Variants in SSH2 observed in about 807,000 individuals in gnomAD.
SSH2 encodes the protein protein phosphatase Slingshot homolog 2.
In SSH2, 37 loss-of-function variants were observed where a neutral mutation model predicts 135.2. The ratio of observed to expected loss-of-function variants is 0.27; its 90% CI spans 0.21 to 0.36. The LOEUF (loss-of-function observed/expected upper bound fraction) is 0.36, where lower values mean the gene tolerates loss of function less well. Ranked by LOEUF, SSH2 falls within the 10% of genes least tolerant of loss-of-function variation. The pLI is 1.00. For missense variants in SSH2, 1,408 were observed against 1,765.3 expected (o/e 0.80, Z 3.63); for synonymous variants, 628 against 646.2 (o/e 0.97, Z 0.43).
intron 1 of SSH2, among the ~76,000 whole-genome samples, chr17:29,898,094 C>G (rs903327516): frequency 5.3e-5 from 8 of 151,996 alleles, no homozygotes; most frequent in African/African-American, 1.9e-4. Context: ...AACAAAGACA[C>G]AACATACCAG....
chr17:29,703,000 G>A lies in SSH2; in HGVS notation c.251C>T (p.Ser84Leu). The change falls in exon 4 of 16, where the codon TCA (serine) becomes TTA (leucine). Residue 84 changes from serine (S) to leucine (L), a missense_variant. By Grantham distance (145) the Ser-to-Leu change is moderately radical. Coordinates refer to ENST00000540801, the MANE Select transcript of SSH2 (RefSeq NM_001282129.2). ...TCTGTGGCTGATTCTTGGTGTGGAT[G>A]AGCCATTTCCCCGTGGTAGAAAAAG... The part of the protein sequence containing the change: ...AALFLPRGNG[S>L]STPRISHRRN... 1 of 1,613,962 alleles carries A rather than the reference G, an allele frequency of 6.2e-7. No homozygotes were observed. The highest frequency in any genetic ancestry group is 8.5e-7 in the Non-Finnish European group (1 of 1,179,876).
At chr17:29,897,744 C>T (rs903441157) in intron 1 of SSH2, among the ~76,000 whole-genome samples, 2 of 152,038 alleles carry the variant, frequency 1.3e-5, no homozygotes, top group East Asian at 1.9e-4. Flanking sequence ...ACAAGGATAT[C>T]CAGGAATTGA....
intron 5 of SSH2, among the ~76,000 whole-genome samples, chr17:29,689,142 G>A (rs1183012093): frequency 3.6e-5 from 5 of 140,828 alleles, no homozygotes; most frequent in African/African-American, 1.3e-4. Context: ...TGGGCGACAG[G>A]GCAAGTGAGA....
At chr17:29,737,216 T>C (rs1377077093) in intron 3 of SSH2, among the ~76,000 whole-genome samples, 1 of 151,948 alleles carries the variant, frequency 6.6e-6, no homozygotes, top group Non-Finnish European at 1.5e-5. Flanking sequence ...ATCTGTTATA[T>C]ATACCTAAAA....
intron 2 of SSH2, among the ~76,000 whole-genome samples, chr17:29,798,405 C>T (rs2042195066): frequency 6.6e-6 from 1 of 152,118 alleles, no homozygotes; most frequent in South Asian, 2.1e-4. Context: ...GATCTGCCCA[C>T]CTCAGCCTCC....
chr17:29,650,023 T>C (rs2036528549), intron 13 of SSH2, among the ~76,000 whole-genome samples: 1 of 152,238 alleles, frequency 6.6e-6, no homozygotes, highest in Non-Finnish European at 1.5e-5. Context: ...GCAAACAAGC[T>C]CGTTTATGGT....
chr17:29,627,083 G>A lies in SSH2; in HGVS notation c.*3758C>T, dbSNP rs531216588. 6.5e-6 allele frequency: 1 copy of A among 152,682 alleles called. No homozygotes were observed. The highest frequency in any genetic ancestry group is 2.4e-5 in the African/African-American group (1 of 41,592). 9.5% of individuals were successfully genotyped at this position (152,682 alleles called of 1,614,324 possible). A position where few individuals can be genotyped will look rare whatever the true frequency, so the allele number is the denominator to read the frequency against. Reference sequence around the variant, plus strand: ...CCACTTACTCACAAGGGCTGACCATGATGGCCCTGCTCTGCATGAGGACTC... The same window carrying A: ...CCACTTACTCACAAGGGCTGACCATAATGGCCCTGCTCTGCATGAGGACTC... On this transcript the variant is annotated 3_prime_UTR_variant, in exon 16 of 16. Transcript: ENST00000540801.
chr17:29,823,210 T>C (rs1028374273), intron 2 of SSH2, among the ~76,000 whole-genome samples: 4 of 152,196 alleles, frequency 2.6e-5, no homozygotes, highest in South Asian at 2.1e-4. Context: ...TTTCATGTAA[T>C]ATATTCAAAT....
intron 15 of SSH2, among the ~76,000 whole-genome samples, chr17:29,633,656 A>C (rs1378864255): frequency 1.3e-5 from 2 of 152,210 alleles, no homozygotes; most frequent in East Asian, 3.8e-4. Context: ...TAGAAACCAT[A>C]ACTCTCTAAT....
At chr17:29,637,328 A>G (rs1322988684) in intron 14 of SSH2, among the ~76,000 whole-genome samples, 1 of 152,070 alleles carries the variant, frequency 6.6e-6, no homozygotes, top group Admixed American at 6.6e-5. Context: ...TGAACTTCTG[A>G]CCTCGAGTGA....
chr17:29,725,280 G>A (rs1422590010), intron 3 of SSH2, among the ~76,000 whole-genome samples: 1 of 44,006 alleles, frequency 2.3e-5, no homozygotes, highest in Non-Finnish European at 5.7e-5. Context: ...CCAGGACGCC[G>A]AGGTTGCAGT....
At chr17:29,901,821 G>A (rs1296210232) in intron 1 of SSH2, among the ~76,000 whole-genome samples, 1 of 150,580 alleles carries the variant, frequency 6.6e-6, no homozygotes, top group African/African-American at 2.4e-5. Context: ...TTTCTGTGTC[G>A]CCTAGGCTGG....
chr17:29,721,411 G>A (rs765916318), intron 3 of SSH2, among the ~76,000 whole-genome samples: 10 of 152,138 alleles, frequency 6.6e-5, no homozygotes, highest in African/African-American at 2.4e-5. Context: ...GGCAACTCAG[G>A]ACCCAGGAAA....
chr17:29,733,106 T>G (rs1457985204), intron 3 of SSH2, among the ~76,000 whole-genome samples: 1 of 152,202 alleles, frequency 6.6e-6, no homozygotes, highest in East Asian at 1.9e-4. Context: ...CTTCCAGCAG[T>G]CTTTTAGTTG....
intron 3 of SSH2, among the ~76,000 whole-genome samples, chr17:29,768,181 T>C (rs1013137362): frequency 6.6e-6 from 1 of 152,016 alleles, no homozygotes; most frequent in Non-Finnish European, 1.5e-5. Context: ...AAGTAAAATA[T>C]GTTTATGGGA....
intron 9 of SSH2, among the ~76,000 whole-genome samples, chr17:29,668,236 C>G (rs749940589): frequency 1.4e-4 from 22 of 152,308 alleles, no homozygotes; most frequent in Non-Finnish European, 2.9e-4. Flanking sequence ...ATGCTCCAAC[C>G]CCACAACCTT....
intron 8 of SSH2, among the ~76,000 whole-genome samples, chr17:29,674,622 C>T (rs973555248): frequency 6.6e-6 from 1 of 152,122 alleles, no homozygotes; most frequent in Non-Finnish European, 1.5e-5. Flanking sequence ...ACTCACTACT[C>T]CCCATAAGGT....
At chr17:29,830,049 C>T (rs1219949658) in intron 2 of SSH2, among the ~76,000 whole-genome samples, 1 of 151,990 alleles carries the variant, frequency 6.6e-6, no homozygotes, top group East Asian at 1.9e-4. Context: ...CTGTGTTAGC[C>T]AGGATGGTCT....
chr17:29,700,856 C>T (rs1206473828), intron 4 of SSH2, among the ~76,000 whole-genome samples: 1 of 152,212 alleles, frequency 6.6e-6, no homozygotes, highest in Admixed American at 6.5e-5. Flanking sequence ...GCAGCGCAAT[C>T]TCAGCTCACT....
Sources: allele counts gnomAD v4.1 joint callset (sites outside exome capture counted in the v4.1 genomes callset), GRCh38; gene constraint gnomAD v4.1.1; transcripts MANE v1.5; gene names NCBI Gene and HGNC (gene_info 2026-07-23, HGNC 2026-07-21).